CELF2: variants seen among roughly 807,000 people sequenced by gnomAD.
The protein encoded by CELF2 is CUG triplet repeat RNA-binding protein 2.
In CELF2, 8 loss-of-function variants were observed where a neutral mutation model predicts 62.6. The observed-to-expected ratio is 0.13, with a 90% CI of 0.07 to 0.23. CELF2 has a LOEUF of 0.23. Ranked by LOEUF, CELF2 falls within the 10% of genes least tolerant of loss-of-function variation. The pLI is 1.00. For missense variants in CELF2, 333 were observed against 671.0 expected, an observed-to-expected ratio of 0.50 and a Z score of 5.56; for synonymous variants, 258 against 250.0, an observed-to-expected ratio of 1.03 and a Z score of -0.30.
Position 11,319,114 on chromosome 10 carries a change from C to T in CELF2, c.1097-2075C>T, listed in dbSNP as rs1047235303. On this transcript the variant is annotated intron_variant, in intron 10 of 12. Transcript: ENST00000633077. This position sits in a 1 kb window ranked among gnomAD's most constrained non-coding sequence, Gnocchi z 4.4. ...CCAAGCAGAGCGGCGAGTCGCCGCT[C>T]CTCTCCCGCCAGAATTTCCTCCACA... 1.6e-4 allele frequency: 73 copies of T among 469,954 alleles called. No individual in the cohort carries two copies. In the Admixed American group the frequency reaches 1.7e-3, roughly 11 times the overall value. 29.1% of individuals were successfully genotyped at this position (469,954 alleles called of 1,614,324 possible).
chr10:11,249,313 G>C (rs2076466996), intron 4 of CELF2, 112 bp downstream of exon 4: 1 of 819,856 alleles, frequency 1.2e-6, no homozygotes. Context: ...AGAGGACAGA[G>C]AGCGCTGCTC....
chr10:10,555,211 A>G, the CELF2 span, among the ~76,000 whole-genome samples: 2 of 152,146 alleles, frequency 1.3e-5, no homozygotes, highest in African/African-American at 4.8e-5. Context: ...TTAGGCAACC[A>G]AGAGGAAAAT....
chr10:10,847,602 C>A (rs1021508859), intron 1 of CELF2, among the ~76,000 whole-genome samples: 1 of 152,172 alleles, frequency 6.6e-6, no homozygotes, highest in African/African-American at 2.4e-5. Flanking sequence ...TGAAAAGCGT[C>A]ATTGCAGAAT....
At chr10:10,868,007 TG>T (rs2060493126) in intron 1 of CELF2, among the ~76,000 whole-genome samples, 2 of 152,358 alleles carry the variant, frequency 1.3e-5, no homozygotes, top group African/African-American at 4.8e-5. Context: ...CCATACAATC[TG>T]AAAATATATC....
At chr10:11,312,106 C>T (rs1270206037) in intron 9 of CELF2, among the ~76,000 whole-genome samples, 1 of 152,078 alleles carries the variant, frequency 6.6e-6, no homozygotes, top group Non-Finnish European at 1.5e-5. Flanking sequence ...GACCTCTCAA[C>T]AGTAATAATG....
the CELF2 span, among the ~76,000 whole-genome samples, chr10:10,529,852 T>TA: frequency 6.6e-6 from 1 of 152,292 alleles, no homozygotes; most frequent in East Asian, 1.9e-4. Context: ...TCCACATCAG[T>TA]GGCTATGAAC....
the CELF2 span, among the ~76,000 whole-genome samples, chr10:10,717,378 T>TAA: frequency 6.9e-6 from 1 of 145,946 alleles, no homozygotes; most frequent in Non-Finnish European, 1.5e-5. Flanking sequence ...TGAAACTTAT[T>TAA]AAAAAAAAAA....
chr10:11,151,159 C>G (rs1026387802), intron 1 of CELF2, among the ~76,000 whole-genome samples: 2 of 152,170 alleles, frequency 1.3e-5, no homozygotes, highest in African/African-American at 4.8e-5. Context: ...TAATATTAAG[C>G]CTTAATTTAC....
rs960676047 is a variant in CELF2, at chr10:11,046,168, C to T, written c.74+28005C>T. Among the ~76,000 whole-genome samples the T allele has an allele frequency of 3.9e-5, 6 of 152,160 alleles. No homozygotes were observed. In the East Asian group the frequency reaches 9.6e-4, roughly 24 times the overall value. ...CCTCCCCAACCGGGCTGCACGCCAG[C>T]GGTTCTCAAAATCACGGCACCGCTT... is the stretch of plus-strand genomic sequence containing the variant. On this transcript the variant is annotated intron_variant, in intron 1 of 12. Transcript: ENST00000633077. The surrounding 1 kb of genome is among the most constrained non-coding windows in gnomAD (Gnocchi z 4.6).
chr10:10,468,724 C>A, the CELF2 span, among the ~76,000 whole-genome samples: 6 of 151,994 alleles, frequency 3.9e-5, no homozygotes, highest in Non-Finnish European at 5.9e-5. Flanking sequence ...CTGTGGGTTT[C>A]ATCCTCAACA....
chr10:10,622,016 G>A, the CELF2 span, among the ~76,000 whole-genome samples: 7 of 152,324 alleles, frequency 4.6e-5, no homozygotes, highest in South Asian at 6.2e-4. Context: ...GATGAAAAAC[G>A]AAGTAATTCA....
chr10:10,477,885 A>G, the CELF2 span, among the ~76,000 whole-genome samples: 1 of 152,050 alleles, frequency 6.6e-6, no homozygotes, highest in Non-Finnish European at 1.5e-5. Context: ...TTCATTCCTG[A>G]TGTTCCCCAA....
chr10:10,690,607 C>T, the CELF2 span, among the ~76,000 whole-genome samples: 120 of 152,292 alleles, frequency 7.9e-4, 1 homozygote, highest in East Asian at 0.018. Context: ...TGGTTGGGCA[C>T]AGTGGTGCAT....
rs1310499913 is a variant in CELF2, at chr10:11,333,290, T to TAATA, written c.*4242_*4245dup. 1.3e-5 allele frequency: 2 copies of TAATA among 152,604 alleles called. No individual in the cohort carries two copies. Among genetic ancestry groups the TAATA allele is most frequent in the Non-Finnish European group, 2.9e-5 (2 of 68,042 alleles). 9.5% of individuals were successfully genotyped at this position (152,604 alleles called of 1,614,324 possible). On this transcript the variant is annotated 3_prime_UTR_variant, in exon 13 of 13. Coordinates refer to ENST00000633077, the MANE Select transcript of CELF2 (RefSeq NM_001326342.2). ...TGTCCTTCTATCCACTTTTATCTTT[T>TAATA]AATAAATATCAAAAGGAAAAAGCTG... is the stretch of plus-strand genomic sequence containing the variant.
chr10:10,904,306 A>G (rs988132559), intron 1 of CELF2, among the ~76,000 whole-genome samples: 11 of 151,906 alleles, frequency 7.2e-5, no homozygotes, highest in Non-Finnish European at 1.2e-4. Flanking sequence ...AGCTCCCTGA[A>G]GCCTGGATCT....
intron 7 of CELF2, among the ~76,000 whole-genome samples, chr10:11,274,371 C>G (rs2085149211): frequency 6.6e-6 from 1 of 152,178 alleles, no homozygotes; most frequent in Non-Finnish European, 1.5e-5. Context: ...AAATGCAGCC[C>G]TGAAAGCACT....
At chr10:10,709,241 T>A in the CELF2 span, among the ~76,000 whole-genome samples, 1 of 152,242 alleles carries the variant, frequency 6.6e-6, no homozygotes, top group East Asian at 1.9e-4. Context: ...TTCCCTGATA[T>A]GAGAGCAAAA....
chr10:10,613,269 G>C, the CELF2 span, among the ~76,000 whole-genome samples: 2 of 152,110 alleles, frequency 1.3e-5, no homozygotes, highest in Non-Finnish European at 2.9e-5. Flanking sequence ...TATTATTGTT[G>C]CTTGACAACA....
In CELF2 at chr10:11,191,977, T is replaced by C. The variant is rs1271540013; in HGVS notation, c.272-25448T>C. ...ATTTTCCTGACAAGTCAGTGTCATT[T>C]TATGGGTTATTGCTGTTTTCCCAGA... On this transcript the variant is annotated intron_variant, in intron 2 of 12. Coordinates refer to ENST00000633077, the MANE Select transcript of CELF2 (RefSeq NM_001326342.2). This position sits in a 1 kb window ranked among gnomAD's most constrained non-coding sequence, Gnocchi z 4.1. 2.0e-5 allele frequency among the ~76,000 whole-genome samples: 3 copies of C among 152,328 alleles called. No individual in the cohort carries two copies. In the East Asian group the frequency reaches 5.8e-4, roughly 29 times the overall value.
Sources: gnomAD v4.1 joint callset for allele counts (sites outside exome capture counted in the v4.1 genomes callset) on GRCh38, gnomAD v4.1.1 for gene constraint, Gnocchi (gnomAD v3.1) non-coding constraint, MANE v1.5 for transcripts, NCBI Gene and HGNC (gene_info 2026-07-23, HGNC 2026-07-21) for gene names.